Variants in TSPEAR observed in about 807,000 individuals in gnomAD.
TSPEAR encodes thrombospondin-type laminin G domain and EAR repeat-containing protein.
Under a neutral mutation model 71.6 loss-of-function variants are expected in TSPEAR, and 69 were observed. The ratio of observed to expected loss-of-function variants is 0.96; its 90% CI spans 0.79 to 1.18. The LOEUF (loss-of-function observed/expected upper bound fraction) is 1.18. Ranked by LOEUF, TSPEAR falls within the 50% of genes most tolerant of loss-of-function variation. The pLI is 0.00. For missense variants in TSPEAR, 971 were observed against 894.9 expected (o/e 1.09, Z -1.09); for synonymous variants, 402 against 387.2 (o/e 1.04, Z -0.45).
intron 1 of TSPEAR, among the ~76,000 whole-genome samples, chr21:44,672,657 G>A (rs1301093741): frequency 2.0e-5 from 3 of 152,166 alleles, no homozygotes; most frequent in Non-Finnish European, 4.4e-5. Context: ...TCAGATGCAG[G>A]AAGCTCAGAG....
chr21:44,571,395 A>G (rs1555922488), intron 1 of TSPEAR, among the ~76,000 whole-genome samples: 1 of 152,238 alleles, frequency 6.6e-6, no homozygotes, highest in Non-Finnish European at 1.5e-5. Context: ...TGGAAAAACC[A>G]GCACCAACAC....
intron 2 of TSPEAR, among the ~76,000 whole-genome samples, chr21:44,545,356 G>A (rs587764474): frequency 1.3e-5 from 2 of 150,962 alleles, no homozygotes; most frequent in Admixed American, 1.3e-4. Context: ...AAAAAAAAAA[G>A]AATTAAATTG....
At chr21:44,643,828 G>A (rs771119270) in intron 1 of TSPEAR, among the ~76,000 whole-genome samples, 16 of 152,196 alleles carry the variant, frequency 1.1e-4, no homozygotes, top group Non-Finnish European at 1.8e-4. Flanking sequence ...GTGCGACAAA[G>A]CAGCAAACAT....
chr21:44,508,841 C>T (rs782460172), intron 10 of TSPEAR: 1 of 1,392,618 alleles, frequency 7.2e-7, no homozygotes, highest in Non-Finnish European at 9.6e-7. Context: ...GAAGCCTGCA[C>T]CTCGCACCTG....
chr21:44,702,872 A>T, intron 1 of TSPEAR: 7 of 744,776 alleles, frequency 9.4e-6, no homozygotes, highest in Non-Finnish European at 1.6e-5. Context: ...CTCTCAGCAC[A>T]CGCACTAGTA....
chr21:44,707,755 G>A (rs919936590), intron 1 of TSPEAR, among the ~76,000 whole-genome samples: 1 of 152,152 alleles, frequency 6.6e-6, no homozygotes, highest in Admixed American at 6.5e-5. Context: ...CAAAGGTGAT[G>A]GGTGAGGCGG....
chr21:44,601,630 G>A (rs782266609), intron 1 of TSPEAR: 2 of 1,613,394 alleles, frequency 1.2e-6, no homozygotes, highest in Non-Finnish European at 8.5e-7. Flanking sequence ...CTCCTGCCAG[G>A]CCAGCTGCTG....
intron 1 of TSPEAR, among the ~76,000 whole-genome samples, chr21:44,582,930 C>T (rs1165060170): frequency 6.6e-6 from 1 of 152,180 alleles, no homozygotes; most frequent in Non-Finnish European, 1.5e-5. Flanking sequence ...TCAAGCGATT[C>T]TCCTCCCTCA....
intron 2 of TSPEAR, chr21:44,558,279 C>G: frequency 1.9e-6 from 3 of 1,614,120 alleles, no homozygotes; most frequent in Non-Finnish European, 1.7e-6. Flanking sequence ...GGTGGTGCAG[C>G]AAGCCGGCTG....
At chr21:44,633,698 T>A (rs1983381937) in intron 1 of TSPEAR, among the ~76,000 whole-genome samples, 1 of 152,252 alleles carries the variant, frequency 6.6e-6, no homozygotes, top group Non-Finnish European at 1.5e-5. Context: ...GTTGTTGGGT[T>A]GAATGTTTTA....
intron 9 of TSPEAR, chr21:44,516,620 G>A (rs2052580482): frequency 2.0e-5 from 3 of 152,210 alleles, no homozygotes; most frequent in Admixed American, 2.0e-4. Flanking sequence ...AGCTTCGTGT[G>A]GTCCTGACCT....
chr21:44,697,666 C>T, intron 1 of TSPEAR: 1 of 1,613,368 alleles, frequency 6.2e-7, no homozygotes. Context: ...GTGTGCCCGT[C>T]TGCTGCAAGC....
At chr21:44,571,338 C>A (rs1601427837) in intron 1 of TSPEAR, among the ~76,000 whole-genome samples, 1 of 152,366 alleles carries the variant, frequency 6.6e-6, no homozygotes, top group South Asian at 2.1e-4. Flanking sequence ...GCATGAGCCA[C>A]CACATCCAGC....
At chr21:44,580,293 G>T (rs781990949) in intron 1 of TSPEAR, 46 of 1,613,498 alleles carry the variant, frequency 2.9e-5, no homozygotes, top group Non-Finnish European at 3.5e-5. Flanking sequence ...CAGCACACAG[G>T]CTTGCAGCAG....
chr21:44,654,699 C>T (rs587750554), intron 1 of TSPEAR: 32 of 944,968 alleles, frequency 3.4e-5, no homozygotes, highest in African/African-American at 1.2e-4. Flanking sequence ...CCCAGGCTAC[C>T]GGCATCCTGG....
intron 2 of TSPEAR, chr21:44,551,623 G>C: frequency 9.9e-7 from 1 of 1,008,550 alleles, no homozygotes; most frequent in Non-Finnish European, 1.4e-6. Context: ...CCACTTCCGT[G>C]TTGGTGTTTG....
At chr21:44,558,509 T>G in intron 2 of TSPEAR, 1 of 1,613,772 alleles carries the variant, frequency 6.2e-7, no homozygotes, top group Non-Finnish European at 8.5e-7. Context: ...TGGTGCAGCC[T>G]GACTGGCAGG....
intron 1 of TSPEAR, among the ~76,000 whole-genome samples, chr21:44,583,194 T>C (rs1187431174): frequency 2.6e-5 from 4 of 151,950 alleles, no homozygotes; most frequent in Non-Finnish European, 5.9e-5. Flanking sequence ...CTGAGTGAGC[T>C]GAGCTGCAGG....
rs1455688527 is a variant in TSPEAR at position 44,646,040 on chromosome 21, G to A, written c.82+65393C>T. 3.6e-5 allele frequency among the ~76,000 whole-genome samples: 5 copies of A among 137,478 alleles called. No individual in the cohort carries two copies. The East Asian group carries it at 6.9e-4, about 19-fold the overall frequency. 90.2% of individuals were successfully genotyped at this position (137,478 alleles called of 152,430 possible). On this transcript the variant is annotated intron_variant, in intron 1 of 11. Coordinates refer to ENST00000323084, the MANE Select transcript of TSPEAR (RefSeq NM_144991.3). Reference sequence around the variant, plus strand: ...CTCGGGAGGCTGAGGTGGGAGAATCGCTTGAACCCAGGGGGCGGAGGTTGC... The same window carrying A: ...CTCGGGAGGCTGAGGTGGGAGAATCACTTGAACCCAGGGGGCGGAGGTTGC...
Sources: gnomAD v4.1 joint callset for allele counts (sites outside exome capture counted in the v4.1 genomes callset) on GRCh38, gnomAD v4.1.1 for gene constraint, MANE v1.5 for transcripts, NCBI Gene and HGNC (gene_info 2026-07-23, HGNC 2026-07-21) for gene names.